Variants in ST14 observed in about 807,000 individuals in gnomAD.
The protein encoded by ST14 is suppressor of tumorigenicity 14 protein.
Under a neutral mutation model 96.5 loss-of-function variants are expected in ST14, and 40 were observed. The observed-to-expected ratio is 0.41, with a 90% confidence interval of 0.32 to 0.54. The LOEUF (loss-of-function observed/expected upper bound fraction) is 0.54. Ranked by LOEUF, ST14 falls within the 20% of genes least tolerant of loss-of-function variation. ST14 has a pLI of 0.17. For missense variants in ST14, 1,066 were observed against 1,188.9 expected (o/e 0.90, Z 1.52); for synonymous variants, 506 against 492.1 (o/e 1.03, Z -0.37).
chr11:130,167,228 AT>A (rs1953049398), intron 1 of ST14, among the ~76,000 whole-genome samples: 1 of 152,190 alleles, frequency 6.6e-6, no homozygotes, highest in Non-Finnish European at 1.5e-5. Flanking sequence ...ATTTTTTTTA[AT>A]AAAAATGACA....
intron 16 of ST14, among the ~76,000 whole-genome samples, chr11:130,206,532 T>C (rs1242336797): frequency 6.6e-6 from 1 of 152,016 alleles, no homozygotes; most frequent in East Asian, 1.9e-4. Flanking sequence ...TAGGGGCTGC[T>C]CACTCTTTCT....
In ST14 at chr11:130,182,836, A is replaced by C. The variant is rs1356282009; in HGVS notation, c.82-5278A>C. On this transcript the variant is annotated intron_variant, in intron 1 of 18. Coordinates refer to ENST00000278742, the MANE Select transcript of ST14 (RefSeq NM_021978.4). ...GGCTAATTTTTTATGTTTTTTGTAG[A>C]GATGGAGTTTCCCCATGTTGGCCAG... is the stretch of plus-strand genomic sequence containing the variant. Among the ~76,000 whole-genome samples, 5 of 148,100 alleles carry C rather than the reference A, an allele frequency of 3.4e-5. No homozygotes were observed. The East Asian group carries it at 1.0e-3, about 30-fold the overall frequency.
Position 130,188,533 on chromosome 11 carries a change from G to C in ST14, c.245G>C (p.Arg82Pro). The change falls in exon 3 of 19, where the codon CGG becomes CCG. Residue 82 changes from arginine to proline, a missense_variant. Physicochemically the swap from Arg to Pro is moderately radical, Grantham distance 103. Transcript: ENST00000278742. This position sits in a 1 kb window ranked among gnomAD's most constrained non-coding sequence, Gnocchi z 5.4. ...IGFLVWHLQYRDVRVQKVFNG... is the reference protein window; with the variant it reads ...IGFLVWHLQYPDVRVQKVFNG... Reference sequence around the variant, plus strand: ...AGCGCCTTCTGGTCTCACACAGACCGGGACGTGCGTGTCCAGAAGGTCTTC... The same window carrying C: ...AGCGCCTTCTGGTCTCACACAGACCCGGACGTGCGTGTCCAGAAGGTCTTC... The C allele has an allele frequency of 1.9e-6, 3 of 1,613,894 alleles. No individual in the cohort carries two copies. The highest frequency in any genetic ancestry group is 1.1e-5 in the South Asian group (1 of 91,060).
At chr11:130,194,789 CGT>C (rs753992541) in intron 9 of ST14, 52 bp downstream of exon 9, 63 of 1,572,150 alleles carry the variant, frequency 4.0e-5, no homozygotes, top group Non-Finnish European at 4.5e-5. Context: ...TGTATGTGCA[CGT>C]GTGTGTGTCT....
intron 16 of ST14, among the ~76,000 whole-genome samples, chr11:130,207,498 C>T (rs1953501037): frequency 6.6e-6 from 1 of 152,192 alleles, no homozygotes; most frequent in Non-Finnish European, 1.5e-5. Flanking sequence ...TTACAGTGAA[C>T]TGAGATCACA....
Position 130,188,871 on chromosome 11 carries a change from G to A in ST14, c.372G>A (p.Leu124=). The A allele has an allele frequency of 1.2e-6, 2 of 1,612,896 alleles. No individual in the cohort carries two copies. The highest frequency in any genetic ancestry group is 1.7e-6 in the Non-Finnish European group (2 of 1,179,622). The change falls in exon 4 of 19, where the codon CTG becomes CTA. Residue 124 remains leucine, a splice_region_variant and synonymous_variant. Coordinates refer to ENST00000278742, the MANE Select transcript of ST14 (RefSeq NM_021978.4). This position sits in a 1 kb window ranked among gnomAD's most constrained non-coding sequence, Gnocchi z 5.4. ...VSLASKVKDA[L]KLLYSGVPFL... ...CTTGAGTCTCTGCCCTTCCTCAGCT[G>A]AAGCTGCTGTACAGCGGAGTCCCAT...
chr11:130,197,978 C>A (rs1252061315), intron 12 of ST14, 33 bp downstream of exon 12: 1 of 1,539,740 alleles, frequency 6.5e-7, no homozygotes, highest in Non-Finnish European at 8.8e-7. Flanking sequence ...GTCTCCCCAC[C>A]CTCCTTCCCC....
intron 1 of ST14, among the ~76,000 whole-genome samples, chr11:130,178,419 C>T (rs1319471944): frequency 2.0e-5 from 3 of 152,240 alleles, no homozygotes; most frequent in Admixed American, 6.5e-5. Context: ...TCTAAGATGG[C>T]GTTACTTATG....
At chr11:130,175,128 A>G (rs1396850756) in intron 1 of ST14, among the ~76,000 whole-genome samples, 2 of 152,150 alleles carry the variant, frequency 1.3e-5, no homozygotes, top group Non-Finnish European at 2.9e-5. Flanking sequence ...CAAATTCATT[A>G]TATCTATCAC....
Position 130,163,505 on chromosome 11 carries a change from C to T in ST14, c.81+3445C>T, listed in dbSNP as rs1042269216. 5.3e-5 allele frequency among the ~76,000 whole-genome samples: 8 copies of T among 152,314 alleles called. No homozygotes were observed. In the East Asian group the frequency reaches 9.6e-4, roughly 18 times the overall value. On this transcript the variant is annotated intron_variant, in intron 1 of 18. Coordinates refer to ENST00000278742, the MANE Select transcript of ST14 (RefSeq NM_021978.4). ...CCCAGGTGATCGATCCTCCTTGTCT[C>T]AGACTTCTAAGTAGTTGGGATTACA...
chr11:130,163,695 G>A (rs1296233774), intron 1 of ST14, among the ~76,000 whole-genome samples: 1 of 152,206 alleles, frequency 6.6e-6, no homozygotes, highest in Non-Finnish European at 1.5e-5. Context: ...CTGCTGGAGT[G>A]GACCGGAAAT....
At position 130,181,888 on chromosome 11, in the gene ST14, A is replaced by G. The variant is rs918336675; in HGVS notation, c.82-6226A>G. On this transcript the variant is annotated intron_variant, in intron 1 of 18. Coordinates refer to ENST00000278742, the MANE Select transcript of ST14 (RefSeq NM_021978.4). This position sits in a 1 kb window ranked among gnomAD's most constrained non-coding sequence, Gnocchi z 4.1. ...GGCTGGGTGGAGCCACAGAACTCACACTGCAGGGAGGACAGAGGACCCACC... is the reference window on the plus strand; with the variant it reads ...GGCTGGGTGGAGCCACAGAACTCACGCTGCAGGGAGGACAGAGGACCCACC... 7.2e-5 allele frequency among the ~76,000 whole-genome samples: 11 copies of G among 152,236 alleles called. No homozygotes were observed. Among genetic ancestry groups the G allele is most frequent in the Non-Finnish European group, 1.5e-4 (10 of 68,046 alleles).
chr11:130,189,021 G>A (rs960058426), intron 4 of ST14, 82 bp downstream of exon 4: 2 of 1,440,770 alleles, frequency 1.4e-6, no homozygotes, highest in Admixed American at 2.0e-5. Flanking sequence ...GGGGCAGGAA[G>A]CGGGAGATGG....
Position 130,197,874 on chromosome 11 carries a change from G to A in ST14, c.1388G>A (p.Arg463Gln), listed in dbSNP as rs1176401526. ...CPGQFTCRTG[R>Q]CIRKELRCDG... is the part of the protein sequence containing the mutation. ...GGGCAGTTCACGTGCCGCACGGGGC[G>A]GTGTATCCGGAAGGAGCTGCGCTGT... Residue 463 changes from arginine to glutamine, a missense_variant, in exon 12 of 19, where the codon CGG becomes CAG. Physicochemically the swap from Arg to Gln is conservative, Grantham distance 43. Coordinates refer to ENST00000278742, the MANE Select transcript of ST14 (RefSeq NM_021978.4). 9 of 1,593,256 alleles carry A rather than the reference G, an allele frequency of 5.6e-6. No individual in the cohort carries two copies. The highest frequency in any genetic ancestry group is 1.3e-5 in the African/African-American group (1 of 74,790).
chr11:130,184,218 A>T (rs1392211024), intron 1 of ST14, among the ~76,000 whole-genome samples: 1 of 152,218 alleles, frequency 6.6e-6, no homozygotes, highest in Non-Finnish European at 1.5e-5. Context: ...GTGCATATGG[A>T]TGCCCAAAAT....
intron 1 of ST14, among the ~76,000 whole-genome samples, chr11:130,182,061 A>G (rs1953197633): frequency 6.6e-6 from 1 of 152,202 alleles, no homozygotes; most frequent in African/African-American, 2.4e-5. Flanking sequence ...TCTGGAACCT[A>G]ACCACACTGG....
rs754260768 is a variant in ST14 at position 130,198,606 on chromosome 11, G to A, written c.1669G>A (p.Ala557Thr). The A allele has an allele frequency of 5.0e-6, 8 of 1,613,676 alleles. No homozygotes were observed. The highest frequency in any genetic ancestry group is 6.8e-6 in the Non-Finnish European group (8 of 1,179,954). ...KDDCGDGSDE[A>T]SCPKVNVVTC... ...CGACTGTGGGGACGGGTCCGACGAG[G>A]CCTCCTGCCCCAAGGGTGAGGCCCG... The change falls in exon 14 of 19, where the codon GCC becomes ACC. Residue 557 changes from alanine to threonine, a missense_variant. Transcript: ENST00000278742.
Position 130,190,436 on chromosome 11 carries a change from T to A in ST14, c.635-18T>A. 6.2e-7 allele frequency: 1 copy of A among 1,605,292 alleles called. No homozygotes were observed. Among genetic ancestry groups the A allele is most frequent in the Non-Finnish European group, 8.5e-7 (1 of 1,179,904 alleles). Reference sequence around the variant, plus strand: ...AGCCCTGCCCCCACACGTGCCCTCCTTCTTGTCTCCTGCGCAGACAGCTGC... The same window carrying A: ...AGCCCTGCCCCCACACGTGCCCTCCATCTTGTCTCCTGCGCAGACAGCTGC... On this transcript the variant is annotated intron_variant, in intron 6 of 18. Transcript: ENST00000278742.
Position 130,189,897 on chromosome 11 carries a change from G to A in ST14, c.598+1G>A, listed in dbSNP as rs111299400. 6 of 1,613,614 alleles carry A rather than the reference G, an allele frequency of 3.7e-6. No homozygotes were observed. Among genetic ancestry groups the A allele is most frequent in the East Asian group, 2.2e-5 (1 of 44,856 alleles). ...GTGGTCACCTCAGTGGTGGCTTTCC[G>A]TGAGTCCGAGGGCCAGGGGTGGGCG... On this transcript the variant is annotated splice_donor_variant, in intron 5 of 18. Transcript: ENST00000278742. LOFTEE classifies it high-confidence loss of function.
Sources: gnomAD v4.1 joint callset for allele counts (sites outside exome capture counted in the v4.1 genomes callset) on GRCh38, gnomAD v4.1.1 for gene constraint, Gnocchi (gnomAD v3.1) non-coding constraint, MANE v1.5 for transcripts, NCBI Gene and HGNC (gene_info 2026-07-23, HGNC 2026-07-21) for gene names.